CCDC3: variants seen among roughly 807,000 people sequenced by gnomAD.
CCDC3 encodes the protein coiled-coil domain-containing protein 3.
A neutral mutation model predicts 21.4 loss-of-function variants in CCDC3; 24 were observed. The ratio of observed to expected loss-of-function variants is 1.12; its 90% CI spans 0.81 to 1.58. The LOEUF (loss-of-function observed/expected upper bound fraction) is 1.58, where lower values mean the gene tolerates loss of function less well. Ranked by LOEUF, CCDC3 falls within the 40% of genes most tolerant of loss-of-function variation. The pLI is 0.00. For synonymous variants in CCDC3, 186 were observed against 166.0 expected, an observed-to-expected ratio of 1.12 and a Z score of -0.93; for missense variants, 425 against 360.9, an observed-to-expected ratio of 1.18 and a Z score of -1.44.
intron 4 of CCDC3, among the ~76,000 whole-genome samples, chr10:13,070,424 TGACTG>T (rs1446444728): frequency 6.6e-6 from 1 of 152,228 alleles, no homozygotes; most frequent in Non-Finnish European, 1.5e-5. Context: ...ACTGAGGCTT[TGACTG>T]GAAAGGTATG....
chr10:12,953,673 T>C (rs1432355497), intron 2 of CCDC3, among the ~76,000 whole-genome samples: 2 of 152,176 alleles, frequency 1.3e-5, no homozygotes, highest in Non-Finnish European at 2.9e-5. Context: ...CTTGCTCAGC[T>C]CTACCCTGTG....
At chr10:13,044,743 T>A (rs186813250) in intron 5 of CCDC3, among the ~76,000 whole-genome samples, 10 of 152,332 alleles carry the variant, frequency 6.6e-5, no homozygotes, top group East Asian at 3.9e-4. Context: ...CTTTATATTA[T>A]AGTTTGAAGT....
upstream of CCDC3, among the ~76,000 whole-genome samples, chr10:13,004,467 A>T (rs901997076): frequency 6.6e-6 from 1 of 152,042 alleles, no homozygotes; most frequent in Non-Finnish European, 1.5e-5. Flanking sequence ...GTGCCCCATG[A>T]GTCCATAGAT....
intron 2 of CCDC3, among the ~76,000 whole-genome samples, chr10:12,902,207 GA>G (rs1479194373): frequency 1.3e-5 from 2 of 152,162 alleles, no homozygotes; most frequent in African/African-American, 4.8e-5. Context: ...GAGCCAAGTG[GA>G]ATGTTCCAAT....
intron 3 of CCDC3, among the ~76,000 whole-genome samples, chr10:13,080,031 A>G (rs974836315): frequency 6.6e-6 from 1 of 152,206 alleles, no homozygotes; most frequent in African/African-American, 2.4e-5. Flanking sequence ...TAAGGAGGGA[A>G]GACAAGGGGG....
At chr10:13,057,607 C>T (rs540875088) in intron 4 of CCDC3, among the ~76,000 whole-genome samples, 9 of 152,058 alleles carry the variant, frequency 5.9e-5, no homozygotes, top group South Asian at 2.1e-4. Context: ...TGACCGGGCG[C>T]GGGGGCTCAC....
At chr10:13,009,222 A>G (rs907498795) in intron 5 of CCDC3, among the ~76,000 whole-genome samples, 2 of 152,214 alleles carry the variant, frequency 1.3e-5, no homozygotes, top group African/African-American at 4.8e-5. Context: ...AAATATGTAA[A>G]AGACTTATAC....
intron 4 of CCDC3, among the ~76,000 whole-genome samples, chr10:13,068,555 G>C (rs954782625): frequency 6.6e-6 from 1 of 152,200 alleles, no homozygotes; most frequent in Non-Finnish European, 1.5e-5. Context: ...ATGCAGGTCA[G>C]ATATTAGGTT....
Position 13,018,651 on chromosome 10 carries a change from C to G in CCDC3, c.-1-20139G>C, listed in dbSNP as rs1023020761. Reference sequence around the variant, plus strand: ...TGGACTATTGAAAAATGAATAGAGGCCGGGCACAGTGGCTCATGCCTGTAA... The same window carrying G: ...TGGACTATTGAAAAATGAATAGAGGGCGGGCACAGTGGCTCATGCCTGTAA... On this transcript the variant is annotated intron_variant, in intron 5 of 6. Transcript: ENST00000378839. Among the ~76,000 whole-genome samples the G allele has an allele frequency of 2.6e-5, 4 of 152,096 alleles. 1 individual carries two copies. The highest frequency in any genetic ancestry group is 9.7e-5 in the African/African-American group (4 of 41,432).
intron 2 of CCDC3, among the ~76,000 whole-genome samples, chr10:12,987,453 T>A (rs1035423872): frequency 4.6e-5 from 7 of 152,296 alleles, no homozygotes; most frequent in South Asian, 2.1e-4. Context: ...TACCTTTTTT[T>A]AAATTATCAT....
At chr10:13,014,622 A>T (rs483851) in intron 5 of CCDC3, among the ~76,000 whole-genome samples, 124,627 of 151,964 alleles carry the variant, frequency 0.82, 51,858 homozygotes, top group Non-Finnish European at 0.88. Flanking sequence ...ACTATATCAA[A>T]GCTATTTCCA....
chr10:13,091,397 T>C (rs1343105185), intron 3 of CCDC3, among the ~76,000 whole-genome samples: 4 of 152,182 alleles, frequency 2.6e-5, no homozygotes, highest in Non-Finnish European at 4.4e-5. Flanking sequence ...GCATCAACCC[T>C]TCCACCACAT....
chr10:13,057,287 G>T (rs1486277693), intron 4 of CCDC3, among the ~76,000 whole-genome samples: 1 of 151,800 alleles, frequency 6.6e-6, no homozygotes, highest in Admixed American at 6.6e-5. Flanking sequence ...GAGAGACCTT[G>T]TCTTAAAAAA....
At chr10:13,078,388 A>G (rs1320597881) in intron 3 of CCDC3, among the ~76,000 whole-genome samples, 1 of 152,236 alleles carries the variant, frequency 6.6e-6, no homozygotes, top group Non-Finnish European at 1.5e-5. Context: ...GTGGAGAAAT[A>G]GGAACACTTT....
intron 3 of CCDC3, among the ~76,000 whole-genome samples, chr10:13,094,218 C>A (rs1029864442): frequency 6.6e-6 from 1 of 150,778 alleles, no homozygotes; most frequent in African/African-American, 2.4e-5. Context: ...ATACCTGGCT[C>A]TTTCCCAGTG....
chr10:12,957,600 G>A (rs1835110521), intron 2 of CCDC3, among the ~76,000 whole-genome samples: 1 of 152,156 alleles, frequency 6.6e-6, no homozygotes, highest in Admixed American at 6.5e-5. Flanking sequence ...AAATGGCTTC[G>A]CACCATTCCC....
chr10:13,085,011 T>C lies in CCDC3; in HGVS notation c.-502-10911A>G, dbSNP rs368979566. Among the ~76,000 whole-genome samples, 3 of 152,326 alleles carry C rather than the reference T, an allele frequency of 2.0e-5. No homozygotes were observed. The East Asian group carries it at 5.8e-4, about 29-fold the overall frequency. On this transcript the variant is annotated intron_variant, in intron 3 of 6. Transcript: ENST00000378839. Reference sequence around the variant, plus strand: ...ATCTGCCTTTCTCTGGTTTCACACTTGTTCAGAACCCAGGCAGGGAAGAAG... The same window carrying C: ...ATCTGCCTTTCTCTGGTTTCACACTCGTTCAGAACCCAGGCAGGGAAGAAG...
intron 2 of CCDC3, among the ~76,000 whole-genome samples, chr10:12,927,044 G>A (rs935724217): frequency 1.3e-5 from 2 of 152,120 alleles, no homozygotes; most frequent in African/African-American, 4.8e-5. Flanking sequence ...CCAAGAAAGA[G>A]GCCCCAAGAT....
At chr10:13,097,365 C>T (rs1382808539) in intron 3 of CCDC3, among the ~76,000 whole-genome samples, 1 of 152,136 alleles carries the variant, frequency 6.6e-6, no homozygotes, top group Non-Finnish European at 1.5e-5. Flanking sequence ...GTGTTGAAGA[C>T]GTATTTCCTC....
Sources: gnomAD v4.1 joint callset for allele counts (sites outside exome capture counted in the v4.1 genomes callset) on GRCh38, gnomAD v4.1.1 for gene constraint, MANE v1.5 for transcripts, NCBI Gene and HGNC (gene_info 2026-07-23, HGNC 2026-07-21) for gene names.